MBNL2: variants seen among roughly 807,000 people sequenced by gnomAD.
MBNL2 encodes muscleblind like splicing regulator 2.
MBNL2 carries 17 observed loss-of-function variants against 41.9 expected under a neutral mutation model. The observed-to-expected ratio is 0.41, with a 90% CI of 0.28 to 0.61. The LOEUF (loss-of-function observed/expected upper bound fraction) is 0.61, where lower values mean the gene tolerates loss of function less well. Ranked by LOEUF, MBNL2 falls within the 20% of genes least tolerant of loss-of-function variation. The pLI is 0.35. For synonymous variants in MBNL2, 195 were observed against 182.9 expected (o/e 1.07, Z -0.53); for missense variants, 336 against 505.6 (o/e 0.66, Z 3.22).
chr13:97,183,786 G>A, the MBNL2 span, among the ~76,000 whole-genome samples: 1 of 152,148 alleles, frequency 6.6e-6, no homozygotes, highest in Non-Finnish European at 1.5e-5. Context: ...ATTAATAAAA[G>A]GGAGGAATTA....
At chr13:97,243,830 T>C (rs903655330) in intron 1 of MBNL2, among the ~76,000 whole-genome samples, 1 of 152,160 alleles carries the variant, frequency 6.6e-6, no homozygotes, top group Non-Finnish European at 1.5e-5. Flanking sequence ...TCATCCTGGA[T>C]AGGGCTGGGT....
chr13:97,328,582 G>A (rs1310374170), intron 2 of MBNL2, among the ~76,000 whole-genome samples: 6 of 152,290 alleles, frequency 3.9e-5, no homozygotes, highest in African/African-American at 1.2e-4. Flanking sequence ...CGCTAGAATC[G>A]TTTTCCCCAA....
At chr13:97,332,605 G>A (rs1462733347) in intron 2 of MBNL2, among the ~76,000 whole-genome samples, 1 of 152,196 alleles carries the variant, frequency 6.6e-6, no homozygotes, top group Non-Finnish European at 1.5e-5. Context: ...TGCAAGAGAA[G>A]CAGATGAAGA....
chr13:97,369,860 G>A (rs1297767172), intron 8 of MBNL2, among the ~76,000 whole-genome samples: 5 of 152,234 alleles, frequency 3.3e-5, no homozygotes, highest in Admixed American at 6.5e-5. Context: ...AGCTTTGGGA[G>A]CAGATAAGGA....
chr13:97,188,601 T>TC, the MBNL2 span, among the ~76,000 whole-genome samples: 1 of 148,568 alleles, frequency 6.7e-6, no homozygotes, highest in Non-Finnish European at 1.5e-5. Flanking sequence ...CACGTATAAT[T>TC]CCCCCAGAAC....
chr13:97,175,948 G>A, the MBNL2 span, among the ~76,000 whole-genome samples: 1 of 152,134 alleles, frequency 6.6e-6, no homozygotes, highest in Non-Finnish European at 1.5e-5. Context: ...GGGTATATCT[G>A]GATGGATGCC....
At chr13:97,362,083 A>T (rs1452676078) in intron 7 of MBNL2, among the ~76,000 whole-genome samples, 1 of 151,920 alleles carries the variant, frequency 6.6e-6, no homozygotes, top group Non-Finnish European at 1.5e-5. Flanking sequence ...TTTTTTTATG[A>T]GTACAAGTTG....
At chr13:97,386,169 C>T (rs2065908783) in intron 8 of MBNL2, among the ~76,000 whole-genome samples, 2 of 152,224 alleles carry the variant, frequency 1.3e-5, no homozygotes, top group African/African-American at 4.8e-5. Flanking sequence ...TGTAAACCTG[C>T]TCTCCTGGTC....
intron 1 of MBNL2, among the ~76,000 whole-genome samples, chr13:97,253,186 A>C (rs1451587644): frequency 6.6e-6 from 1 of 152,202 alleles, no homozygotes; most frequent in African/African-American, 2.4e-5. Flanking sequence ...AGAAAATACA[A>C]ATTGATATAT....
At chr13:97,348,289 G>A (rs2062085348) in intron 5 of MBNL2, among the ~76,000 whole-genome samples, 1 of 151,814 alleles carries the variant, frequency 6.6e-6, no homozygotes, top group African/African-American at 2.4e-5. Flanking sequence ...CAAAACTCCT[G>A]GGATCAAGCA....
At position 97,334,184 on chromosome 13, in the gene MBNL2, T is replaced by A; in HGVS notation, c.175-92T>A. 1.1e-6 allele frequency: 1 copy of A among 914,766 alleles called. No individual in the cohort carries two copies. The highest frequency in any genetic ancestry group is 1.7e-6 in the Non-Finnish European group (1 of 601,214). The allele number at this position is 914,766 out of a possible 1,614,324, so 56.7% of individuals were successfully genotyped here. A position where few individuals can be genotyped will look rare whatever the true frequency, so the allele number is the denominator to read the frequency against. On this transcript the variant is annotated intron_variant, in intron 2 of 8. Transcript: ENST00000679496. The surrounding 1 kb of genome is among the most constrained non-coding windows in gnomAD (Gnocchi z 5.3). ...CACACACACACACACACAGGATCCT[T>A]GCTTTTGTGCATAAGAAGTGATTGT...
the MBNL2 span, among the ~76,000 whole-genome samples, chr13:97,149,578 C>CT: frequency 2.0e-5 from 3 of 152,090 alleles, no homozygotes; most frequent in Non-Finnish European, 4.4e-5. Flanking sequence ...GCTTTGCCTC[C>CT]TTTTTTACCT....
intron 1 of MBNL2, among the ~76,000 whole-genome samples, chr13:97,237,423 T>C (rs2043480557): frequency 6.6e-6 from 1 of 152,230 alleles, no homozygotes; most frequent in Non-Finnish European, 1.5e-5. Flanking sequence ...AGAAAATTAT[T>C]TCTTAAGTCT....
At chr13:97,368,678 G>T (rs1194613495) in intron 8 of MBNL2, among the ~76,000 whole-genome samples, 1 of 151,054 alleles carries the variant, frequency 6.6e-6, no homozygotes, top group African/African-American at 2.4e-5. Flanking sequence ...TTGAGAGAGA[G>T]ATTCCATAGG....
chr13:97,296,985 C>G (rs750008796), intron 2 of MBNL2, among the ~76,000 whole-genome samples: 44 of 152,210 alleles, frequency 2.9e-4, no homozygotes, highest in Non-Finnish European at 4.6e-4. Context: ...GCATCCCAGT[C>G]AAGGCTCTTG....
chr13:97,351,051 C>A (rs2062400826), intron 5 of MBNL2, among the ~76,000 whole-genome samples: 2 of 152,226 alleles, frequency 1.3e-5, no homozygotes, highest in Non-Finnish European at 2.9e-5. Flanking sequence ...GTTGAAATAA[C>A]TCCTTGATCC....
At chr13:97,375,676 G>C (rs1311742463) in intron 8 of MBNL2, among the ~76,000 whole-genome samples, 2 of 152,218 alleles carry the variant, frequency 1.3e-5, no homozygotes, top group Non-Finnish European at 2.9e-5. Context: ...AGCTCCAGTA[G>C]GTAGCAGAGC....
At chr13:97,152,513 A>G in the MBNL2 span, among the ~76,000 whole-genome samples, 2 of 152,198 alleles carry the variant, frequency 1.3e-5, no homozygotes, top group African/African-American at 2.4e-5. Flanking sequence ...TCAAAATACT[A>G]GAGACAAAGA....
intron 5 of MBNL2, among the ~76,000 whole-genome samples, chr13:97,354,103 C>T (rs907324090): frequency 1.3e-5 from 2 of 151,342 alleles, no homozygotes; most frequent in African/African-American, 4.9e-5. Context: ...TCATGCACAC[C>T]AAGCTGGAGA....
Sources: allele counts gnomAD v4.1 joint callset (sites outside exome capture counted in the v4.1 genomes callset), GRCh38; gene constraint gnomAD v4.1.1; non-coding constraint Gnocchi (gnomAD v3.1); transcripts MANE v1.5; gene names NCBI Gene and HGNC (gene_info 2026-07-23, HGNC 2026-07-21).